Variants in PDE11A observed in about 807,000 individuals in gnomAD.
The protein encoded by PDE11A is dual 3',5'-cyclic-AMP and -GMP phosphodiesterase 11A.
PDE11A carries 100 observed loss-of-function variants against 100.5 expected under a neutral mutation model. That is an observed-to-expected ratio of 1.00 (90% CI 0.85 to 1.18). The LOEUF is 1.18. Among genes scored for constraint, PDE11A ranks in the 50% most tolerant of loss-of-function variants. PDE11A has a pLI of 0.00. For synonymous variants in PDE11A, 381 were observed against 420.8 expected (o/e 0.91, Z 1.16); for missense variants, 1,141 against 1,152.6 (o/e 0.99, Z 0.15).
At chr2:177,899,130 G>T (rs1285868161) in intron 3 of PDE11A, among the ~76,000 whole-genome samples, 1 of 152,122 alleles carries the variant, frequency 6.6e-6, no homozygotes, top group African/African-American at 2.4e-5. Flanking sequence ...TATTTTGGCC[G>T]GGCGCAGTGG....
chr2:178,018,792 C>T (rs540149882), intron 1 of PDE11A, among the ~76,000 whole-genome samples: 61 of 152,318 alleles, frequency 4.0e-4, no homozygotes, highest in African/African-American at 1.4e-3. Context: ...AAGCAACCCT[C>T]CCACTCTGGC....
intron 10 of PDE11A, among the ~76,000 whole-genome samples, chr2:177,736,231 G>A (rs528972148): frequency 2.2e-4 from 34 of 152,318 alleles, no homozygotes; most frequent in Admixed American, 7.8e-4. Flanking sequence ...CAGAGGAAGG[G>A]CCAGGCGTAG....
chr2:177,664,006 G>T, intron 18 of PDE11A, 57 bp from the exon 19 acceptor site: 1 of 1,050,814 alleles, frequency 9.5e-7, no homozygotes, highest in Non-Finnish European at 1.5e-6. Flanking sequence ...TTTACAGGGT[G>T]CTTTGTCAAA....
In PDE11A at chr2:178,020,240, G is replaced by A. The variant is rs55766762; in HGVS notation, c.913-5780C>T. On this transcript the variant is annotated intron_variant, in intron 1 of 19. Transcript: ENST00000286063. ...GAAAATCCACTCTGCAGTAGGAACA[G>A]CCTGTTTGCCCTTACCTTTGTGATA... 5.2e-4 allele frequency among the ~76,000 whole-genome samples: 79 copies of A among 152,302 alleles called. 2 individuals are homozygous for A. Among genetic ancestry groups the A allele is most frequent in the Non-Finnish European group, 7.3e-5 (5 of 68,028 alleles).
chr2:178,018,463 T>C (rs1319571429), intron 1 of PDE11A: 2 of 514,044 alleles, frequency 3.9e-6, no homozygotes, highest in East Asian at 5.5e-5. Flanking sequence ...GTGGAAGCTC[T>C]GACCTTTTAG....
In PDE11A at chr2:177,863,478, T is replaced by A. The variant is rs374597217; in HGVS notation, c.1367+12381A>T. 2.5e-4 allele frequency among the ~76,000 whole-genome samples: 38 copies of A among 151,852 alleles called. No homozygotes were observed. In the South Asian group the frequency reaches 5.8e-3, roughly 23 times the overall value. On this transcript the variant is annotated intron_variant, in intron 5 of 19. Transcript: ENST00000286063. Reference sequence around the variant, plus strand: ...AAAATTTATAAAGAACTCATACAACTCAAAAGTGGAAAAACAAACAGCCCA... The same window carrying A: ...AAAATTTATAAAGAACTCATACAACACAAAAGTGGAAAAACAAACAGCCCA...
At chr2:177,881,809 G>A (rs1013328603) in intron 4 of PDE11A, among the ~76,000 whole-genome samples, 4 of 152,324 alleles carry the variant, frequency 2.6e-5, no homozygotes, top group Admixed American at 1.3e-4. Context: ...AATTGAGATC[G>A]TGCAGGCCAC....
chr2:177,898,122 C>T lies in PDE11A; in HGVS notation c.1238G>A (p.Arg413Gln), dbSNP rs754410518. Residue 413 changes from arginine (R) to glutamine (Q), a missense_variant, in exon 4 of 20, where the codon CGG (arginine) becomes CAG (glutamine). Transcript: ENST00000286063. The stretch of plus-strand genomic sequence containing the variant: ...TTCACATTTCAGCAGAGTTTGGGCC[C>T]GATGCATTATTTTCTTGACAATTTT... ...LEKIVKKIMH[R>Q]AQTLLKCERC... 3.7e-6 allele frequency: 6 copies of T among 1,611,138 alleles called. No homozygotes were observed. The South Asian group carries it at 5.5e-5, about 15-fold the overall frequency.
intron 2 of PDE11A, among the ~76,000 whole-genome samples, chr2:177,980,393 C>T (rs1490054300): frequency 6.6e-6 from 1 of 150,550 alleles, no homozygotes; most frequent in East Asian, 1.9e-4. Context: ...AAACTTTTTT[C>T]TTGGTTTGGA....
At chr2:177,882,300 T>A (rs113193214) in intron 4 of PDE11A, among the ~76,000 whole-genome samples, 82 of 152,322 alleles carry the variant, frequency 5.4e-4, no homozygotes, top group Non-Finnish European at 1.0e-3. Context: ...GTCAGATACC[T>A]GGGTTAAAAA....
chr2:177,676,183 G>C (rs1241273600), intron 16 of PDE11A: 1 of 160,810 alleles, frequency 6.2e-6, no homozygotes, highest in East Asian at 1.8e-4. Context: ...TTGAGGGGCA[G>C]GGTTAACCAT....
intron 9 of PDE11A, among the ~76,000 whole-genome samples, chr2:177,806,592 T>C (rs893346522): frequency 6.6e-6 from 1 of 152,172 alleles, no homozygotes; most frequent in African/African-American, 2.4e-5. Context: ...TGTCCTTCTA[T>C]ACAACATGTT....
intron 9 of PDE11A, among the ~76,000 whole-genome samples, chr2:177,777,244 C>G (rs1039703591): frequency 8.2e-6 from 1 of 122,576 alleles, no homozygotes; most frequent in Non-Finnish European, 1.7e-5. Flanking sequence ...GTTTAAGTGA[C>G]CCAGTCTGTG....
intron 10 of PDE11A, among the ~76,000 whole-genome samples, chr2:177,742,599 C>T (rs1245368041): frequency 1.3e-5 from 2 of 152,198 alleles, no homozygotes; most frequent in Admixed American, 1.3e-4. Flanking sequence ...GGTATCTATG[C>T]ATCCCACAAG....
chr2:177,862,628 G>A (rs1163968885), intron 5 of PDE11A, among the ~76,000 whole-genome samples: 13 of 151,810 alleles, frequency 8.6e-5, no homozygotes, highest in Admixed American at 8.5e-4. Context: ...CTTTAACCAT[G>A]GAGGTGAAAG....
At chr2:178,056,267 G>A (rs942439031) in intron 1 of PDE11A, among the ~76,000 whole-genome samples, 3 of 152,128 alleles carry the variant, frequency 2.0e-5, no homozygotes, top group African/African-American at 7.2e-5. Flanking sequence ...ACAAAAGAAA[G>A]AAAAAGAGTC....
intron 1 of PDE11A, among the ~76,000 whole-genome samples, chr2:178,051,658 G>T (rs1412387422): frequency 6.6e-5 from 10 of 152,130 alleles, no homozygotes; most frequent in Non-Finnish European, 1.3e-4. Flanking sequence ...AGGGATGCAG[G>T]AAGATCTACC....
chr2:178,030,086 A>G (rs1248713566), intron 1 of PDE11A, among the ~76,000 whole-genome samples: 1 of 152,166 alleles, frequency 6.6e-6, no homozygotes, highest in African/African-American at 2.4e-5. Context: ...GCAGCACAAA[A>G]CTGACTAAGA....
chr2:177,946,616 G>A (rs1574299793), intron 2 of PDE11A, among the ~76,000 whole-genome samples: 3 of 100,900 alleles, frequency 3.0e-5, no homozygotes, highest in South Asian at 4.0e-4. Flanking sequence ...CCGGCCAGCC[G>A]CCCCGTCCGG....
Sources: gnomAD v4.1 joint callset for allele counts (sites outside exome capture counted in the v4.1 genomes callset) on GRCh38, gnomAD v4.1.1 for gene constraint, MANE v1.5 for transcripts, NCBI Gene and HGNC (gene_info 2026-07-23, HGNC 2026-07-21) for gene names.